Variants in GUCY1A2 observed in about 807,000 individuals in gnomAD.
GUCY1A2 encodes guanylate cyclase soluble subunit alpha-2.
In GUCY1A2, 27 loss-of-function variants were observed where a neutral mutation model predicts 63.5. The ratio of observed to expected loss-of-function variants is 0.43; its 90% confidence interval spans 0.31 to 0.59. The LOEUF (loss-of-function observed/expected upper bound fraction) is 0.59, where lower values mean the gene tolerates loss of function less well. Among genes scored for constraint, GUCY1A2 ranks in the 20% least tolerant of loss-of-function variants. GUCY1A2 has a pLI of 0.11. For missense variants in GUCY1A2, 768 were observed against 913.3 expected (o/e 0.84, Z 2.05); for synonymous variants, 364 against 343.5 (o/e 1.06, Z -0.66).
intron 6 of GUCY1A2, among the ~76,000 whole-genome samples, chr11:106,772,727 C>T (rs976552672): frequency 6.6e-6 from 1 of 152,062 alleles, no homozygotes; most frequent in Non-Finnish European, 1.5e-5. Flanking sequence ...TATGACAATG[C>T]TAAATTCAAT....
chr11:106,951,852 GAGT>G, intron 3 of GUCY1A2, among the ~76,000 whole-genome samples: 1 of 152,292 alleles, frequency 6.6e-6, no homozygotes, highest in African/African-American at 2.4e-5. Flanking sequence ...TTTTCTTCCA[GAGT>G]TTTTATGGTT....
intron 1 of GUCY1A2, among the ~76,000 whole-genome samples, chr11:107,007,601 C>G (rs1591362152): frequency 6.6e-6 from 1 of 152,156 alleles, no homozygotes; most frequent in African/African-American, 2.4e-5. Flanking sequence ...CTCATTATCT[C>G]CAACCTCAAG....
chr11:106,714,384 A>G (rs1863180772), intron 6 of GUCY1A2, among the ~76,000 whole-genome samples: 1 of 152,208 alleles, frequency 6.6e-6, no homozygotes, highest in African/African-American at 2.4e-5. Flanking sequence ...CTGGAAACTT[A>G]CAAGCTGAAT....
At chr11:106,815,417 T>A (rs1858817301) in intron 4 of GUCY1A2, among the ~76,000 whole-genome samples, 1 of 151,722 alleles carries the variant, frequency 6.6e-6, no homozygotes, top group African/African-American at 2.4e-5. Flanking sequence ...ACCCACAAAT[T>A]CAACTATATG....
At chr11:106,954,292 T>C (rs773562382) in intron 3 of GUCY1A2, among the ~76,000 whole-genome samples, 35 of 152,304 alleles carry the variant, frequency 2.3e-4, no homozygotes, top group Non-Finnish European at 3.7e-4. Flanking sequence ...CAGGAACAAG[T>C]TGTTCAATTT....
intron 3 of GUCY1A2, among the ~76,000 whole-genome samples, chr11:106,950,433 G>T (rs577879177): frequency 1.3e-5 from 2 of 152,234 alleles, no homozygotes; most frequent in Non-Finnish European, 2.9e-5. Context: ...ACCTGCTTCA[G>T]CTCTGTGCCC....
intron 4 of GUCY1A2, among the ~76,000 whole-genome samples, chr11:106,926,346 G>A (rs777624702): frequency 2.6e-5 from 4 of 151,310 alleles, no homozygotes; most frequent in Admixed American, 6.6e-5. Flanking sequence ...GCTGAGGCAC[G>A]AGAATTGCTT....
rs376184296 is a variant in GUCY1A2, at chr11:106,682,307, T to C, written c.*5242A>G. The C allele has an allele frequency of 1.4e-5, 3 of 217,372 alleles. No homozygotes were observed. The highest frequency in any genetic ancestry group is 6.8e-5 in the African/African-American group (3 of 44,390). 13.5% of individuals were successfully genotyped at this position (217,372 alleles called of 1,614,324 possible). A position where few individuals can be genotyped will look rare whatever the true frequency, so the allele number is the denominator to read the frequency against. On this transcript the variant is annotated 3_prime_UTR_variant, in exon 8 of 8. Coordinates refer to ENST00000526355, the MANE Select transcript of GUCY1A2 (RefSeq NM_000855.3). ...CCAGTCAACTTGTATTTATTCCTAG[T>C]AATTGGGATTATTTGAATACTTTTC...
rs1862461581 is a variant in GUCY1A2 at position 106,683,251 on chromosome 11, ATAATC to A, written c.*4293_*4297del. On this transcript the variant is annotated 3_prime_UTR_variant, in exon 8 of 8. Transcript: ENST00000526355. Reference sequence around the variant, plus strand: ...ACATAATTTTTGTAGCTGAAGGTCTATAATCTAATAGTAGAAAAAACTAAGCTACG... The same window carrying A: ...ACATAATTTTTGTAGCTGAAGGTCTATAATAGTAGAAAAAACTAAGCTACG... 4.6e-6 allele frequency: 1 copy of A among 217,802 alleles called. No homozygotes were observed. The highest frequency in any genetic ancestry group is 1.8e-4 in the South Asian group (1 of 5,406). 13.5% of individuals were successfully genotyped at this position (217,802 alleles called of 1,614,324 possible).
At chr11:106,690,649 G>A (rs1862606807) in intron 7 of GUCY1A2, among the ~76,000 whole-genome samples, 1 of 152,158 alleles carries the variant, frequency 6.6e-6, no homozygotes, top group African/African-American at 2.4e-5. Flanking sequence ...ACAAATGTAT[G>A]TAAGTATGTA....
intron 6 of GUCY1A2, among the ~76,000 whole-genome samples, chr11:106,775,255 G>C (rs1468741618): frequency 2.0e-5 from 3 of 152,052 alleles, no homozygotes; most frequent in Admixed American, 6.5e-5. Context: ...AAGAAAATAT[G>C]TATCATTTAA....
At chr11:106,721,354 TGGC>T (rs979936445) in intron 6 of GUCY1A2, among the ~76,000 whole-genome samples, 1 of 152,178 alleles carries the variant, frequency 6.6e-6, no homozygotes, top group Non-Finnish European at 1.5e-5. Flanking sequence ...CCACCGCGCC[TGGC>T]CAACAAAATG....
At chr11:106,787,251 ATTCT>A (rs922549278) in intron 5 of GUCY1A2, among the ~76,000 whole-genome samples, 1 of 151,600 alleles carries the variant, frequency 6.6e-6, no homozygotes, top group Non-Finnish European at 1.5e-5. Flanking sequence ...GGTCTTATTC[ATTCT>A]TTCTCTTTTT....
chr11:106,708,127 C>T (rs989576026), intron 7 of GUCY1A2, among the ~76,000 whole-genome samples: 1 of 151,786 alleles, frequency 6.6e-6, no homozygotes, highest in Non-Finnish European at 1.5e-5. Context: ...TTCAAAAAAA[C>T]AGTCCAACCA....
At chr11:106,808,784 G>T (rs940694875) in intron 5 of GUCY1A2, among the ~76,000 whole-genome samples, 1 of 152,104 alleles carries the variant, frequency 6.6e-6, no homozygotes, top group Non-Finnish European at 1.5e-5. Context: ...AAATTCAGCT[G>T]ATCTCCTCTG....
At chr11:106,831,054 T>C (rs1307438405) in intron 4 of GUCY1A2, among the ~76,000 whole-genome samples, 1 of 152,156 alleles carries the variant, frequency 6.6e-6, no homozygotes, top group Non-Finnish European at 1.5e-5. Flanking sequence ...CTTATATAGC[T>C]ATAAGCATGG....
chr11:106,862,578 T>C (rs1426197431), intron 4 of GUCY1A2, among the ~76,000 whole-genome samples: 1 of 151,966 alleles, frequency 6.6e-6, no homozygotes, highest in Non-Finnish European at 1.5e-5. Flanking sequence ...TTTAAAACCT[T>C]TGTGGGCACT....
At chr11:106,884,806 T>C (rs1454315003) in intron 4 of GUCY1A2, among the ~76,000 whole-genome samples, 1 of 152,058 alleles carries the variant, frequency 6.6e-6, no homozygotes, top group Admixed American at 6.6e-5. Flanking sequence ...CATATCAGAG[T>C]ACCTTGTTTT....
At chr11:106,977,166 C>A (rs1003872864) in intron 3 of GUCY1A2, among the ~76,000 whole-genome samples, 2 of 152,208 alleles carry the variant, frequency 1.3e-5, no homozygotes, top group African/African-American at 4.8e-5. Flanking sequence ...CATCCCTTCA[C>A]TGAGATTCTG....
Sources: allele counts gnomAD v4.1 joint callset (sites outside exome capture counted in the v4.1 genomes callset), GRCh38; gene constraint gnomAD v4.1.1; transcripts MANE v1.5; gene names NCBI Gene and HGNC (gene_info 2026-07-23, HGNC 2026-07-21).